REEP3: variants seen among roughly 807,000 people sequenced by gnomAD.
The protein encoded by REEP3 is receptor accessory protein 3, also known as receptor expression-enhancing protein 3.
Under a neutral mutation model 41.3 loss-of-function variants are expected in REEP3, and 20 were observed. The ratio of observed to expected loss-of-function variants is 0.48; its 90% CI spans 0.34 to 0.70. The LOEUF is 0.70. Among genes scored for constraint, REEP3 ranks in the 30% least tolerant of loss-of-function variants. The probability of loss-of-function intolerance (pLI) is 0.01; values close to 1 mark genes in which losing one functional copy is unlikely to be tolerated. For missense variants in REEP3, 271 were observed against 308.8 expected, an observed-to-expected ratio of 0.88 and a Z score of 0.92; for synonymous variants, 104 against 101.8, an observed-to-expected ratio of 1.02 and a Z score of -0.13.
chr10:63,581,879 T>TG (rs1955957288), intron 2 of REEP3, among the ~76,000 whole-genome samples: 1 of 152,088 alleles, frequency 6.6e-6, no homozygotes, highest in South Asian at 2.1e-4. Context: ...TTTTTTTTTT[T>TG]TTAGCTTTTT....
chr10:63,524,438 CTTT>C (rs1028959261), intron 1 of REEP3, among the ~76,000 whole-genome samples: 1 of 149,452 alleles, frequency 6.7e-6, no homozygotes, highest in African/African-American at 2.5e-5. Context: ...GGACACCACT[CTTT>C]TTTTTTTCTT....
In REEP3 at chr10:63,624,475, A is replaced by T. The variant is rs1439056527; in HGVS notation, c.*3606A>T. The T allele has an allele frequency of 6.6e-6, 1 of 152,104 alleles. No individual in the cohort carries two copies. The highest frequency in any genetic ancestry group is 2.4e-5 in the African/African-American group (1 of 41,440). The allele number at this position is 152,104 out of a possible 1,614,324, so 9.4% of individuals were successfully genotyped here. On this transcript the variant is annotated 3_prime_UTR_variant, in exon 8 of 8. Coordinates refer to ENST00000373758, the MANE Select transcript of REEP3 (RefSeq NM_001001330.3). Reference sequence around the variant, plus strand: ...AAAATAAGTTTGCAGATTTTTAATAATCTGTTTGTAAAAGGCTATCTCTAA... The same window carrying T: ...AAAATAAGTTTGCAGATTTTTAATATTCTGTTTGTAAAAGGCTATCTCTAA...
Position 63,559,115 on chromosome 10 carries a change from G to A in REEP3, c.33-7223G>A, listed in dbSNP as rs147448323. On this transcript the variant is annotated intron_variant, in intron 1 of 7. Transcript: ENST00000373758. ...CATTTAAGTAATATGTAGATTATCA[G>A]CAATAAATTATTTGTTATATTTATT... Among the ~76,000 whole-genome samples, 22 of 152,096 alleles carry A rather than the reference G, an allele frequency of 1.4e-4. No homozygotes were observed. The East Asian group carries it at 3.9e-3, about 27-fold the overall frequency.
At chr10:63,577,276 C>T (rs1167447554) in intron 2 of REEP3, among the ~76,000 whole-genome samples, 2 of 152,142 alleles carry the variant, frequency 1.3e-5, no homozygotes, top group African/African-American at 4.8e-5. Context: ...AATCCAGAAA[C>T]CCTCTGATTC....
intron 1 of REEP3, among the ~76,000 whole-genome samples, chr10:63,545,779 C>T (rs911449061): frequency 6.6e-6 from 1 of 150,570 alleles, no homozygotes; most frequent in Non-Finnish European, 1.5e-5. Context: ...CCTCTGCCTC[C>T]GGGGTTCGAG....
chr10:63,527,666 G>GCTC (rs1285945435), intron 1 of REEP3, among the ~76,000 whole-genome samples: 1 of 151,878 alleles, frequency 6.6e-6, no homozygotes, highest in Non-Finnish European at 1.5e-5. Context: ...GGGCAACAGA[G>GCTC]TGAGACCTTG....
chr10:63,562,790 T>C (rs1455555012), intron 1 of REEP3, among the ~76,000 whole-genome samples: 1 of 152,260 alleles, frequency 6.6e-6, no homozygotes, highest in African/African-American at 2.4e-5. Context: ...GAAAGACTTA[T>C]GTAAATGCAA....
intron 1 of REEP3, chr10:63,562,448 G>T (rs1955749781): frequency 4.8e-6 from 2 of 417,352 alleles, no homozygotes; most frequent in African/African-American, 2.1e-5. Context: ...GTAGAGACAG[G>T]GTTTCCCCAC....
intron 1 of REEP3, among the ~76,000 whole-genome samples, chr10:63,552,948 G>C (rs1229257012): frequency 6.6e-6 from 1 of 152,224 alleles, no homozygotes; most frequent in East Asian, 1.9e-4. Flanking sequence ...TTTTCTTGTA[G>C]TAAGAAAGTA....
intron 1 of REEP3, among the ~76,000 whole-genome samples, chr10:63,527,961 T>C (rs1308803391): frequency 6.6e-6 from 1 of 151,884 alleles, no homozygotes; most frequent in Non-Finnish European, 1.5e-5. Flanking sequence ...TTGTTTTTTT[T>C]TTTTTTGTTT....
intron 2 of REEP3, among the ~76,000 whole-genome samples, chr10:63,575,068 C>A (rs1176420237): frequency 6.6e-6 from 1 of 151,946 alleles, no homozygotes; most frequent in African/African-American, 2.4e-5. Context: ...ATTGGCCAAG[C>A]TGGTCTCGAA....
At chr10:63,599,071 C>T in intron 4 of REEP3, 99 bp from the exon 5 acceptor site, 2 of 630,566 alleles carry the variant, frequency 3.2e-6, no homozygotes, top group South Asian at 4.1e-5. Context: ...ATGCTTAATG[C>T]TATAAAATTA....
At chr10:63,538,163 T>C (rs1955493020) in intron 1 of REEP3, among the ~76,000 whole-genome samples, 1 of 152,216 alleles carries the variant, frequency 6.6e-6, no homozygotes. Context: ...ACTCCACAGC[T>C]TCTGCTTCTT....
In REEP3 at chr10:63,566,458, A is replaced by T. The variant is rs1173951459; in HGVS notation, c.105+48A>T. 4.7e-6 allele frequency: 5 copies of T among 1,052,646 alleles called. No individual in the cohort carries two copies. The Admixed American group carries it at 9.1e-5, about 19-fold the overall frequency. The allele number at this position is 1,052,646 out of a possible 1,614,324, so 65.2% of individuals were successfully genotyped here. On this transcript the variant is annotated intron_variant, in intron 2 of 7. Transcript: ENST00000373758. Reference sequence around the variant, plus strand: ...TTAATCTGAGTTTAATATTTTAATGATACACACTGAAAAACTGCTATTCTC... The same window carrying T: ...TTAATCTGAGTTTAATATTTTAATGTTACACACTGAAAAACTGCTATTCTC...
At chr10:63,533,959 C>T (rs12413081) in intron 1 of REEP3, among the ~76,000 whole-genome samples, 20,621 of 151,744 alleles carry the variant, frequency 0.14, 2,022 homozygotes, top group East Asian at 0.29. Flanking sequence ...CTGCCCACCT[C>T]GGCCTCTCAA....
chr10:63,591,127 G>GTTTTTTTTTTTTTTTTTTT (rs5785582), intron 2 of REEP3, among the ~76,000 whole-genome samples: 1 of 135,954 alleles, frequency 7.4e-6, no homozygotes, highest in African/African-American at 2.6e-5. Context: ...TTTTGTTTTT[G>GTTTTTTTTTTTTTTTTTTT]TTTTTTTTTT....
rs77572996 is a variant in REEP3 at position 63,566,555 on chromosome 10, T to C, written c.105+145T>C. The C allele has an allele frequency of 2.5e-3, 1,401 of 558,038 alleles. 5 individuals are homozygous for C. The highest frequency in any genetic ancestry group is 3.6e-3 in the Non-Finnish European group (1,147 of 320,396). 34.6% of individuals were successfully genotyped at this position (558,038 alleles called of 1,614,324 possible). Reference sequence around the variant, plus strand: ...GTGAAGTAACAAAACTAATCTTTTTTAAAATCTTTGAAGATAACCCCAAAG... The same window carrying C: ...GTGAAGTAACAAAACTAATCTTTTTCAAAATCTTTGAAGATAACCCCAAAG... On this transcript the variant is annotated intron_variant, in intron 2 of 7. Transcript: ENST00000373758.
At chr10:63,560,931 T>G (rs973540493) in intron 1 of REEP3, among the ~76,000 whole-genome samples, 1 of 152,180 alleles carries the variant, frequency 6.6e-6, no homozygotes. Context: ...CTCAGTAATA[T>G]TCACATTGGA....
intron 3 of REEP3, among the ~76,000 whole-genome samples, chr10:63,595,925 A>G (rs1276433727): frequency 1.3e-5 from 2 of 152,216 alleles, no homozygotes; most frequent in African/African-American, 2.4e-5. Context: ...AATTCAGCTG[A>G]AAAAATTAAT....
Sources: allele counts gnomAD v4.1 joint callset (sites outside exome capture counted in the v4.1 genomes callset), GRCh38; gene constraint gnomAD v4.1.1; transcripts MANE v1.5; gene names NCBI Gene and HGNC (gene_info 2026-07-23, HGNC 2026-07-21).